CACNG2: variants seen among roughly 807,000 people sequenced by gnomAD.
CACNG2 encodes the protein voltage-dependent calcium channel gamma-2 subunit.
In CACNG2, 3 loss-of-function variants were observed where a neutral mutation model predicts 25.9. The observed-to-expected ratio is 0.12, with a 90% CI of 0.05 to 0.30. The LOEUF is 0.30. Among genes scored for constraint, CACNG2 ranks in the 10% least tolerant of loss-of-function variants. The probability of loss-of-function intolerance (pLI) is 1.00; values close to 1 mark genes in which losing one functional copy is unlikely to be tolerated. For synonymous variants in CACNG2, 167 were observed against 173.3 expected, an observed-to-expected ratio of 0.96 and a Z score of 0.29; for missense variants, 341 against 432.5, an observed-to-expected ratio of 0.79 and a Z score of 1.88.
At chr22:36,649,345 A>G (rs948974668) in intron 1 of CACNG2, among the ~76,000 whole-genome samples, 2 of 151,946 alleles carry the variant, frequency 1.3e-5, no homozygotes, top group African/African-American at 4.8e-5. Context: ...GGGCTGGAGT[A>G]CGGCGGTGTG....
intron 1 of CACNG2, among the ~76,000 whole-genome samples, chr22:36,638,547 C>T (rs1012409729): frequency 2.0e-5 from 3 of 152,204 alleles, no homozygotes; most frequent in South Asian, 2.1e-4. Context: ...CCCAGTTTTT[C>T]TCTGGATGAC....
chr22:36,616,875 G>A (rs1018734611), intron 1 of CACNG2, among the ~76,000 whole-genome samples: 3 of 152,142 alleles, frequency 2.0e-5, no homozygotes, highest in Admixed American at 6.5e-5. Flanking sequence ...ACTCTGTGTT[G>A]GGCATTGTGA....
intron 1 of CACNG2, among the ~76,000 whole-genome samples, chr22:36,684,607 C>A (rs565701243): frequency 8.4e-4 from 105 of 125,648 alleles, no homozygotes; most frequent in Non-Finnish European, 1.2e-3. Context: ...CAGAGCGAGA[C>A]CTTGTCTCAA....
chr22:36,657,833 C>T (rs1275086436), intron 1 of CACNG2, among the ~76,000 whole-genome samples: 4 of 152,028 alleles, frequency 2.6e-5, no homozygotes, highest in African/African-American at 9.7e-5. Flanking sequence ...GCACAGAGAG[C>T]TCTGGAGCCC....
At chr22:36,666,373 A>C (rs1370299197) in intron 1 of CACNG2, among the ~76,000 whole-genome samples, 1 of 152,126 alleles carries the variant, frequency 6.6e-6, no homozygotes, top group Non-Finnish European at 1.5e-5. Flanking sequence ...ATGCCACTGC[A>C]CTCCAGCCTG....
At chr22:36,692,420 G>A (rs747918516) in intron 1 of CACNG2, among the ~76,000 whole-genome samples, 1 of 152,172 alleles carries the variant, frequency 6.6e-6, no homozygotes, top group Non-Finnish European at 1.5e-5. Flanking sequence ...AACAAGGATT[G>A]CAATGGAGAG....
chr22:36,679,197 C>CCTTCCTTCCTTCCTTCCTTTCTTTCTTT (rs1491420417), intron 1 of CACNG2, among the ~76,000 whole-genome samples: 3 of 54,826 alleles, frequency 5.5e-5, no homozygotes, highest in African/African-American at 1.4e-4. Flanking sequence ...TTCCTTCCTT[C>CCTTCCTTCCTTCCTTCCTTTCTTTCTTT]CTTTCTTTCT....
chr22:36,585,716 A>T (rs1281333058), intron 2 of CACNG2, among the ~76,000 whole-genome samples: 1 of 152,204 alleles, frequency 6.6e-6, no homozygotes, highest in Non-Finnish European at 1.5e-5. Context: ...TTCAAAAAAT[A>T]TTGTTGGATT....
chr22:36,617,499 A>C (rs570622322), intron 1 of CACNG2, among the ~76,000 whole-genome samples: 1 of 152,026 alleles, frequency 6.6e-6, no homozygotes, highest in South Asian at 2.1e-4. Flanking sequence ...CTTACCAGCT[A>C]TTCATGTTGA....
chr22:36,635,078 T>C (rs1323419834), intron 1 of CACNG2, among the ~76,000 whole-genome samples: 2 of 152,064 alleles, frequency 1.3e-5, no homozygotes, highest in Non-Finnish European at 2.9e-5. Flanking sequence ...GGTCAGGAGA[T>C]CAAGACCATC....
chr22:36,693,705 C>T (rs968894589), intron 1 of CACNG2, among the ~76,000 whole-genome samples: 1 of 152,148 alleles, frequency 6.6e-6, no homozygotes, highest in Non-Finnish European at 1.5e-5. Flanking sequence ...TTGCCAATGC[C>T]CAACATATGG....
intron 1 of CACNG2, among the ~76,000 whole-genome samples, chr22:36,624,371 G>T (rs1331750271): frequency 6.6e-6 from 1 of 152,104 alleles, no homozygotes; most frequent in Non-Finnish European, 1.5e-5. Context: ...GAGCCCTGTA[G>T]CAAACCTATG....
At chr22:36,576,372 A>T (rs1005657771) in intron 2 of CACNG2, among the ~76,000 whole-genome samples, 6 of 152,116 alleles carry the variant, frequency 3.9e-5, no homozygotes, top group African/African-American at 1.4e-4. Context: ...CTGGGGATTC[A>T]GGGGGAAAGG....
In CACNG2 at chr22:36,563,372, G is replaced by GC; in HGVS notation, c.*978_*979insG. ...AGAGCTGTTTCATGTCCCCCGGGGG[G>GC]GGGGGTGGCATCTCCTGACCCCAAG... On this transcript the variant is annotated 3_prime_UTR_variant, in exon 4 of 4. Coordinates refer to ENST00000300105, the MANE Select transcript of CACNG2 (RefSeq NM_006078.5). Among the ~76,000 whole-genome samples the GC allele has an allele frequency of 6.6e-6, 1 of 151,974 alleles. No individual in the cohort carries two copies. The highest frequency in any genetic ancestry group is 2.1e-4 in the South Asian group (1 of 4,798).
intron 1 of CACNG2, among the ~76,000 whole-genome samples, chr22:36,694,958 G>A (rs189214660): frequency 7.9e-5 from 12 of 152,264 alleles, no homozygotes; most frequent in Admixed American, 7.2e-4. Context: ...GCTCACTCCT[G>A]TACTCCCAGC....
chr22:36,612,386 A>G (rs1421136804), intron 1 of CACNG2, among the ~76,000 whole-genome samples: 1 of 152,252 alleles, frequency 6.6e-6, no homozygotes, highest in Non-Finnish European at 1.5e-5. Context: ...TGCCTGGCAC[A>G]TAGTAGATGC....
chr22:36,699,868 T>C (rs1432591962), intron 1 of CACNG2, among the ~76,000 whole-genome samples: 1 of 152,128 alleles, frequency 6.6e-6, no homozygotes, highest in Non-Finnish European at 1.5e-5. Context: ...TCTTTGAAAA[T>C]AAGAGGCTTA....
At chr22:36,681,592 T>C (rs1937125819) in intron 1 of CACNG2, among the ~76,000 whole-genome samples, 1 of 152,192 alleles carries the variant, frequency 6.6e-6, no homozygotes, top group Admixed American at 6.5e-5. Context: ...TGGGTTACAT[T>C]TCTAACTTCT....
intron 2 of CACNG2, among the ~76,000 whole-genome samples, chr22:36,575,800 C>A (rs1320192967): frequency 6.6e-6 from 1 of 152,142 alleles, no homozygotes; most frequent in East Asian, 1.9e-4. Flanking sequence ...AAATAGTCAC[C>A]GTAATCAGGT....
Sources: gnomAD v4.1 joint callset for allele counts (sites outside exome capture counted in the v4.1 genomes callset) on GRCh38, gnomAD v4.1.1 for gene constraint, MANE v1.5 for transcripts, NCBI Gene and HGNC (gene_info 2026-07-23, HGNC 2026-07-21) for gene names.